The following RBM27 variants were observed in gnomAD, a reference collection of about 807,000 sequenced individuals.
The protein encoded by RBM27 is RNA-binding protein 27.
In RBM27, 22 loss-of-function variants were observed where a neutral mutation model predicts 135.3. The ratio of observed to expected loss-of-function variants is 0.16; its 90% CI spans 0.12 to 0.23. RBM27 has a LOEUF of 0.23. RBM27 is among the 10% of genes least tolerant of loss of function. The pLI is 1.00. For synonymous variants in RBM27, 481 were observed against 442.4 expected (o/e 1.09, Z -1.10); for missense variants, 1,009 against 1,281.0 (o/e 0.79, Z 3.24).
intron 2 of RBM27, among the ~76,000 whole-genome samples, chr5:146,219,850 C>G (rs1007011267): frequency 3.3e-5 from 5 of 151,892 alleles, no homozygotes; most frequent in South Asian, 4.1e-4. Context: ...TCCTTCCAAC[C>G]CTGTTTTGTT....
intron 1 of RBM27, among the ~76,000 whole-genome samples, chr5:146,207,593 C>CT (rs1755745223): frequency 6.6e-6 from 1 of 151,616 alleles, no homozygotes; most frequent in Admixed American, 6.6e-5. Context: ...TTCCAATTCC[C>CT]GGGGGATTTT....
At chr5:146,277,648 G>A (rs373596059) in intron 19 of RBM27, among the ~76,000 whole-genome samples, 3 of 148,684 alleles carry the variant, frequency 2.0e-5, no homozygotes, top group African/African-American at 5.0e-5. Flanking sequence ...TCAGCCACCC[G>A]AGCAGCTGGG....
At chr5:146,263,881 G>A (rs530834595) in intron 14 of RBM27, among the ~76,000 whole-genome samples, 1 of 151,624 alleles carries the variant, frequency 6.6e-6, no homozygotes, top group African/African-American at 2.4e-5. Context: ...TGGGTGAGTG[G>A]ATCACCTGAG....
At chr5:146,233,420 A>G in intron 6 of RBM27, 30 bp from the exon 7 acceptor site, 1 of 1,503,314 alleles carries the variant, frequency 6.7e-7, no homozygotes, top group Non-Finnish European at 8.9e-7. Flanking sequence ...AGATGATAAT[A>G]AGATTCTTTT....
chr5:146,258,790 A>G (rs1758231754), intron 11 of RBM27, among the ~76,000 whole-genome samples, 197 bp downstream of exon 11: 1 of 150,802 alleles, frequency 6.6e-6, no homozygotes, highest in Non-Finnish European at 1.5e-5. Context: ...TTTTTAAAAG[A>G]CGTAGTCATC....
chr5:146,225,567 G>GT (rs5871958), intron 3 of RBM27, among the ~76,000 whole-genome samples: 3,203 of 133,536 alleles, frequency 0.024, 145 homozygotes, highest in African/African-American at 0.075. Context: ...TTACCTTTCT[G>GT]TTTTTTTTTT....
At chr5:146,264,790 A>G (rs988987063) in intron 14 of RBM27, among the ~76,000 whole-genome samples, 2 of 152,144 alleles carry the variant, frequency 1.3e-5, no homozygotes, top group Non-Finnish European at 2.9e-5. Context: ...AAATCTAGAA[A>G]TAGACTCAGT....
At chr5:146,211,661 G>C (rs1035226686) in intron 1 of RBM27, among the ~76,000 whole-genome samples, 2 of 150,574 alleles carry the variant, frequency 1.3e-5, no homozygotes, top group East Asian at 2.0e-4. Context: ...TTGTATTTTT[G>C]GTAGAGACAA....
At chr5:146,259,173 GA>G (rs996942445) in intron 11 of RBM27, among the ~76,000 whole-genome samples, 62 of 146,262 alleles carry the variant, frequency 4.2e-4, no homozygotes, top group African/African-American at 1.3e-3. Context: ...AATCAACGGT[GA>G]AAAAAAAAAG....
rs1261950651 is a variant in RBM27 at position 146,289,200 on chromosome 5, C to T, written c.*3170C>T. 6.6e-6 allele frequency: 1 copy of T among 151,534 alleles called. No homozygotes were observed. The highest frequency in any genetic ancestry group is 1.5e-5 in the Non-Finnish European group (1 of 67,840). 9.4% of individuals were successfully genotyped at this position (151,534 alleles called of 1,614,324 possible). ...AATTTGGAAAATTTATGAACCATTCCAAAAATTATAACAATCACCAAAAGA... is the reference window on the plus strand; with the variant it reads ...AATTTGGAAAATTTATGAACCATTCTAAAAATTATAACAATCACCAAAAGA... On this transcript the variant is annotated 3_prime_UTR_variant, in exon 21 of 21. Transcript: ENST00000265271.
intron 19 of RBM27, among the ~76,000 whole-genome samples, chr5:146,272,517 T>A: frequency 6.6e-6 from 1 of 151,808 alleles, no homozygotes; most frequent in South Asian, 2.1e-4. Flanking sequence ...CAGTCAGGAG[T>A]TTGAGACCAG....
rs1362446886 is a variant in RBM27 at position 146,251,816 on chromosome 5, T to TCATGGGATCCTCCAC, written c.1399_1400insCCATGGGATCCTCCA (p.Ser466_Ile467insThrMetGlySerSer). On this transcript the variant is annotated inframe_insertion, in exon 9 of 21. Transcript: ENST00000265271. Reference sequence around the variant, plus strand: ...GCTCGTTTGGTGCCACCTCGAAACCTCATGGGATCCTCCATTGGATACCAT... The same window carrying TCATGGGATCCTCCAC: ...GCTCGTTTGGTGCCACCTCGAAACCTCATGGGATCCTCCACCATGGGATCCTCCATTGGATACCAT... 1.2e-6 allele frequency: 2 copies of TCATGGGATCCTCCAC among 1,614,118 alleles called. No homozygotes were observed. The highest frequency in any genetic ancestry group is 2.7e-5 in the African/African-American group (2 of 75,018).
chr5:146,283,133 TAAAG>T (rs1036203685), intron 19 of RBM27, among the ~76,000 whole-genome samples: 3 of 152,146 alleles, frequency 2.0e-5, no homozygotes, highest in East Asian at 1.9e-4. Flanking sequence ...ATTCAAATAA[TAAAG>T]AAATGAACAA....
chr5:146,257,873 A>G (rs1314393541), intron 10 of RBM27, among the ~76,000 whole-genome samples: 6 of 151,736 alleles, frequency 4.0e-5, no homozygotes, highest in South Asian at 2.1e-4. Context: ...CTGGAGTGCA[A>G]TGGCACAATC....
At position 146,267,742 on chromosome 5, in the gene RBM27, G is replaced by A. The variant is rs758521220; in HGVS notation, c.2425G>A (p.Val809Ile). The A allele has an allele frequency of 1.4e-5, 22 of 1,604,882 alleles. No individual in the cohort carries two copies. The highest frequency in any genetic ancestry group is 1.1e-4 in the East Asian group (5 of 44,574). The stretch of plus-strand genomic sequence containing the variant: ...CTGTTCAGGGTCTAAATCTCATGAT[G>A]TTCAAGAAGTGCTTAAAAAAAAACA... ...KLCSGSKSHD[V>I]QEVLKKKQEA... Residue 809 changes from valine to isoleucine, a missense_variant, in exon 15 of 21, where the codon GTT becomes ATT. Val to Ile is a conservative substitution (Grantham distance 29). This residue lies in a region of RBM27 where 355 missense variants were observed against 427.3 expected (regional missense o/e 0.83). Transcript: ENST00000265271.
intron 19 of RBM27, among the ~76,000 whole-genome samples, chr5:146,273,724 T>C (rs1758968152): frequency 6.6e-6 from 1 of 152,212 alleles, no homozygotes; most frequent in Non-Finnish European, 1.5e-5. Context: ...ATCTATATTT[T>C]CAGTATTCTT....
At position 146,286,296 on chromosome 5, in the gene RBM27, C is replaced by T. The variant is rs1759578216; in HGVS notation, c.*266C>T. 1 of 243,494 alleles carries T rather than the reference C, an allele frequency of 4.1e-6. No homozygotes were observed. The highest frequency in any genetic ancestry group is 7.8e-6 in the Non-Finnish European group (1 of 128,838). The allele number at this position is 243,494 out of a possible 1,614,324, so 15.1% of individuals were successfully genotyped here. On this transcript the variant is annotated 3_prime_UTR_variant, in exon 21 of 21. Coordinates refer to ENST00000265271, the MANE Select transcript of RBM27 (RefSeq NM_018989.2). ...TCTAGAGCCTTATTTTCCACACCAC[C>T]TTTTTTTTGTTGCTGTTGGTGTTGG...
At chr5:146,258,026 T>G (rs1168949189) in intron 10 of RBM27, among the ~76,000 whole-genome samples, 1 of 151,880 alleles carries the variant, frequency 6.6e-6, no homozygotes, top group Non-Finnish European at 1.5e-5. Flanking sequence ...CCCATGTTGG[T>G]CAGGCTGGTC....
intron 17 of RBM27, among the ~76,000 whole-genome samples, chr5:146,270,329 A>G (rs147733557): frequency 7.5e-4 from 113 of 151,114 alleles, no homozygotes; most frequent in African/African-American, 2.6e-3. Context: ...AAATTGTTAT[A>G]TGTAGTATTA....
Sources: allele counts gnomAD v4.1 joint callset (sites outside exome capture counted in the v4.1 genomes callset), GRCh38; gene constraint gnomAD v4.1.1; regional missense constraint gnomAD v4.1.1; transcripts MANE v1.5; gene names NCBI Gene and HGNC (gene_info 2026-07-23, HGNC 2026-07-21).